The following RGS6 variants were observed in gnomAD, a reference collection of about 807,000 sequenced individuals.
The protein encoded by RGS6 is regulator of G protein signaling 6.
Under a neutral mutation model 78.5 loss-of-function variants are expected in RGS6, and 30 were observed. The ratio of observed to expected loss-of-function variants is 0.38; its 90% CI spans 0.29 to 0.52. The LOEUF (loss-of-function observed/expected upper bound fraction) is 0.52, where lower values mean the gene tolerates loss of function less well. Ranked by LOEUF, RGS6 falls within the 20% of genes least tolerant of loss-of-function variation. RGS6 has a pLI of 0.85. For synonymous variants in RGS6, 206 were observed against 206.0 expected (o/e 1.00, Z 0.00); for missense variants, 495 against 609.7 (o/e 0.81, Z 1.98).
chr14:72,112,182 G>A (rs568921065), intron 2 of RGS6, among the ~76,000 whole-genome samples: 7 of 152,176 alleles, frequency 4.6e-5, no homozygotes, highest in Non-Finnish European at 7.3e-5. Context: ...CAGATGGCCC[G>A]GGAGGCTGTC....
the RGS6 span, among the ~76,000 whole-genome samples, chr14:71,924,566 C>T: frequency 6.6e-6 from 1 of 152,152 alleles, no homozygotes; most frequent in Non-Finnish European, 1.5e-5. Context: ...CCCCACCTGC[C>T]CTTGGTAACC....
intron 2 of RGS6, among the ~76,000 whole-genome samples, chr14:72,294,298 A>AT: frequency 6.6e-6 from 1 of 152,332 alleles, no homozygotes; most frequent in South Asian, 2.1e-4. Flanking sequence ...TGGTTCAAAC[A>AT]TGGCTGCCTT....
chr14:72,185,805 G>A (rs2097235440), intron 2 of RGS6, among the ~76,000 whole-genome samples: 1 of 152,194 alleles, frequency 6.6e-6, no homozygotes, highest in South Asian at 2.1e-4. Flanking sequence ...GCCAGGTGTG[G>A]TAGTGTGTAC....
In RGS6 at chr14:72,470,004, T is replaced by C; in HGVS notation, c.460-3T>C. On this transcript the variant is annotated splice_polypyrimidine_tract_variant and splice_region_variant and intron_variant, in intron 7 of 17. Coordinates refer to ENST00000553525, the MANE Select transcript of RGS6 (RefSeq NM_001204424.2). Reference sequence around the variant, plus strand: ...CGCCTTGTTGATTTTCATTTCTCATTAGGAAAACTTAGCAAGACTCCAGAG... The same window carrying C: ...CGCCTTGTTGATTTTCATTTCTCATCAGGAAAACTTAGCAAGACTCCAGAG... 6.2e-7 allele frequency: 1 copy of C among 1,609,528 alleles called. No individual in the cohort carries two copies. Among genetic ancestry groups the C allele is most frequent in the Non-Finnish European group, 8.5e-7 (1 of 1,176,322 alleles).
intron 3 of RGS6, among the ~76,000 whole-genome samples, chr14:72,389,215 C>T (rs1176524909): frequency 1.3e-5 from 2 of 152,110 alleles, no homozygotes; most frequent in Non-Finnish European, 2.9e-5. Flanking sequence ...GCTAATTGTC[C>T]CTGTCCCGGA....
intron 2 of RGS6, among the ~76,000 whole-genome samples, chr14:71,974,176 C>T (rs1240593501): frequency 1.3e-5 from 2 of 151,784 alleles, no homozygotes; most frequent in Non-Finnish European, 2.9e-5. Flanking sequence ...CTGTAAATTC[C>T]CTATTGGCAG....
intron 3 of RGS6, among the ~76,000 whole-genome samples, chr14:72,431,302 T>C (rs936694330): frequency 1.3e-5 from 2 of 152,216 alleles, no homozygotes; most frequent in African/African-American, 2.4e-5. Context: ...CTATACTTGA[T>C]GAGATAGGGC....
chr14:72,187,564 G>T (rs2238249), intron 2 of RGS6, among the ~76,000 whole-genome samples: 19,824 of 152,060 alleles, frequency 0.13, 1,530 homozygotes, highest in South Asian at 0.2. Context: ...CAGGGGACAG[G>T]CTTGAAATTT....
intron 2 of RGS6, among the ~76,000 whole-genome samples, chr14:72,112,121 A>G (rs2095781430): frequency 6.6e-6 from 1 of 152,140 alleles, no homozygotes; most frequent in Non-Finnish European, 1.5e-5. Flanking sequence ...ACATTAGCAG[A>G]TGGTGGCATT....
intron 2 of RGS6, among the ~76,000 whole-genome samples, chr14:72,317,954 A>G (rs577946515): frequency 6.6e-6 from 1 of 152,314 alleles, no homozygotes; most frequent in Non-Finnish European, 1.5e-5. Context: ...GACAAAAGAC[A>G]AAAACAGAAG....
intron 2 of RGS6, among the ~76,000 whole-genome samples, chr14:72,307,192 T>C (rs1337688484): frequency 6.6e-6 from 1 of 152,230 alleles, no homozygotes; most frequent in Non-Finnish European, 1.5e-5. Context: ...TATTTTAAAA[T>C]AAGGTATATA....
intron 2 of RGS6, among the ~76,000 whole-genome samples, chr14:72,091,652 A>G (rs976932320): frequency 1.3e-5 from 2 of 152,214 alleles, no homozygotes; most frequent in Admixed American, 1.3e-4. Context: ...TTGGCTGCAC[A>G]TCACTATGAA....
intron 2 of RGS6, among the ~76,000 whole-genome samples, chr14:72,179,603 A>G (rs1425370905): frequency 6.6e-6 from 1 of 152,104 alleles, no homozygotes; most frequent in Non-Finnish European, 1.5e-5. Context: ...AAATATTTGC[A>G]TTGATTCCTG....
chr14:71,954,402 A>G (rs1877745172), intron 1 of RGS6, among the ~76,000 whole-genome samples: 1 of 151,640 alleles, frequency 6.6e-6, no homozygotes, highest in Admixed American at 6.6e-5. Context: ...GAAATTCATG[A>G]TTGACTTTCA....
intron 2 of RGS6, among the ~76,000 whole-genome samples, chr14:72,285,432 G>A (rs1470291323): frequency 1.3e-5 from 2 of 152,076 alleles, no homozygotes; most frequent in African/African-American, 2.4e-5. Context: ...CTTTCACTTG[G>A]TTCTCATTCT....
intron 3 of RGS6, among the ~76,000 whole-genome samples, chr14:72,389,674 A>G (rs1355132212): frequency 6.6e-6 from 1 of 152,014 alleles, no homozygotes; most frequent in Non-Finnish European, 1.5e-5. Flanking sequence ...ACCATTGTTT[A>G]CCTCCTAAGA....
intron 2 of RGS6, among the ~76,000 whole-genome samples, chr14:72,283,564 A>G (rs764123819): frequency 6.6e-6 from 1 of 152,124 alleles, no homozygotes; most frequent in Non-Finnish European, 1.5e-5. Flanking sequence ...GTCTGCCACC[A>G]TGTAAGACAT....
chr14:72,313,772 A>AG (rs1205846160), intron 2 of RGS6, among the ~76,000 whole-genome samples: 1 of 152,232 alleles, frequency 6.6e-6, no homozygotes, highest in Non-Finnish European at 1.5e-5. Flanking sequence ...AGGATGGAGA[A>AG]GGTATTTTGA....
At chr14:72,129,477 T>C (rs1179898297) in intron 2 of RGS6, among the ~76,000 whole-genome samples, 1 of 152,234 alleles carries the variant, frequency 6.6e-6, no homozygotes, top group Non-Finnish European at 1.5e-5. Flanking sequence ...GCCAAGTTTC[T>C]ATGGCTGCAC....
Sources: gnomAD v4.1 joint callset for allele counts (sites outside exome capture counted in the v4.1 genomes callset) on GRCh38, gnomAD v4.1.1 for gene constraint, MANE v1.5 for transcripts, NCBI Gene and HGNC (gene_info 2026-07-23, HGNC 2026-07-21) for gene names.